TRPC5: variants seen among roughly 807,000 people sequenced by gnomAD.
TRPC5 encodes short transient receptor potential channel 5.
A neutral mutation model predicts 56.5 loss-of-function variants in TRPC5; 9 were observed. The ratio of observed to expected loss-of-function variants is 0.16; its 90% confidence interval spans 0.10 to 0.28. The LOEUF (loss-of-function observed/expected upper bound fraction) is 0.28, where lower values mean the gene tolerates loss of function less well. TRPC5 is among the 10% of genes least tolerant of loss of function. The probability of loss-of-function intolerance (pLI) is 1.00; values close to 1 mark genes in which losing one functional copy is unlikely to be tolerated. For missense variants in TRPC5, 469 were observed against 748.9 expected, an observed-to-expected ratio of 0.63 and a Z score of 4.36; for synonymous variants, 282 against 278.5, an observed-to-expected ratio of 1.01 and a Z score of -0.13.
intron 3 of TRPC5, among the ~76,000 whole-genome samples, chrX:111,864,443 T>C (rs993581184): frequency 4.4e-5 from 5 of 112,503 alleles, no homozygotes; most frequent in Non-Finnish European, 9.4e-5. Context: ...AAAGAACTAT[T>C]GGTACTGAGT....
intron 7 of TRPC5, among the ~76,000 whole-genome samples, chrX:111,788,112 AAAG>A (rs1157767413): frequency 4.5e-4 from 50 of 112,156 alleles, no homozygotes; most frequent in African/African-American, 1.6e-3. Flanking sequence ...TACAACAAAA[AAAG>A]AGAATTTCAG....
At chrX:111,910,325 T>C (rs1925775613) in intron 3 of TRPC5, among the ~76,000 whole-genome samples, 1 of 111,629 alleles carries the variant, frequency 9.0e-6, no homozygotes, top group South Asian at 3.8e-4. Context: ...AATGGAAATA[T>C]ATACATATAT....
intron 2 of TRPC5, among the ~76,000 whole-genome samples, chrX:111,945,730 C>T (rs753871990): frequency 1.8e-5 from 2 of 112,102 alleles, no homozygotes; most frequent in Admixed American, 9.5e-5. Context: ...GAGCAGACAG[C>T]TTCTTACTTC....
At chrX:111,811,697 T>C (rs1250387901) in intron 7 of TRPC5, among the ~76,000 whole-genome samples, 1 of 111,399 alleles carries the variant, frequency 9.0e-6, no homozygotes, top group Non-Finnish European at 1.9e-5. Flanking sequence ...GTCACAGTTT[T>C]CTCAACAGTA....
chrX:111,982,108 A>G (rs1408626504), intron 1 of TRPC5, among the ~76,000 whole-genome samples: 1 of 111,895 alleles, frequency 8.9e-6, no homozygotes, highest in Non-Finnish European at 1.9e-5. Flanking sequence ...CCATGATTGT[A>G]AGTTTCCTGA....
chrX:111,926,679 T>C, intron 2 of TRPC5, among the ~76,000 whole-genome samples: 1 of 112,365 alleles, frequency 8.9e-6, no homozygotes, highest in African/African-American at 3.2e-5. Context: ...TTATCTCCTT[T>C]ATGAGGTAGG....
intron 1 of TRPC5, among the ~76,000 whole-genome samples, chrX:111,983,485 CT>C (rs200667247): frequency 0.03 from 3,368 of 111,750 alleles, 127 homozygotes; most frequent in African/African-American, 0.1. Flanking sequence ...AAAATCTTCA[CT>C]TTTTTGCCCA....
chrX:112,046,461 C>T lies in TRPC5; in HGVS notation c.-22+35418G>A, dbSNP rs1181944364. Among the ~76,000 whole-genome samples, 3 of 110,985 alleles carry T rather than the reference C, an allele frequency of 2.7e-5. No homozygotes were observed. In the East Asian group the frequency reaches 8.5e-4, roughly 32 times the overall value. ...AGAGCTTGGATCAGTAGCTTAATTC[C>T]TAACTCCCTGTAGGCTGTCATGCTC... On this transcript the variant is annotated intron_variant, in intron 1 of 10. Transcript: ENST00000262839.
intron 5 of TRPC5, among the ~76,000 whole-genome samples, chrX:111,850,210 A>G (rs1225755908): frequency 9.0e-6 from 1 of 111,119 alleles, no homozygotes. Flanking sequence ...AAAGCAAAGA[A>G]TGGTTATACT....
At chrX:111,959,792 T>C (rs751122461) in intron 1 of TRPC5, among the ~76,000 whole-genome samples, 23 of 111,593 alleles carry the variant, frequency 2.1e-4, no homozygotes, top group Admixed American at 2.0e-3. Context: ...CATGCTTAGG[T>C]CACCCCTCCT....
chrX:111,817,323 A>ATTTTT (rs148024546), intron 7 of TRPC5, among the ~76,000 whole-genome samples: 1 of 82,933 alleles, frequency 1.2e-5, no homozygotes, highest in Non-Finnish European at 2.3e-5. Context: ...CTCTTATCTG[A>ATTTTT]TTTTTTTTTT....
intron 3 of TRPC5, among the ~76,000 whole-genome samples, chrX:111,891,764 G>A (rs770411097): frequency 5.4e-5 from 6 of 110,994 alleles, no homozygotes; most frequent in Non-Finnish European, 9.4e-5. Context: ...GGCCAGGCTC[G>A]TCTTGAACTC....
chrX:111,967,775 GA>G (rs1291755786), intron 1 of TRPC5, among the ~76,000 whole-genome samples: 2 of 111,340 alleles, frequency 1.8e-5, no homozygotes, highest in Non-Finnish European at 3.8e-5. Context: ...GCCATATGTA[GA>G]AAGCTGAAAC....
intron 2 of TRPC5, among the ~76,000 whole-genome samples, chrX:111,918,678 C>T (rs773487637): frequency 1.5e-3 from 171 of 111,309 alleles, no homozygotes; most frequent in African/African-American, 5.1e-3. Flanking sequence ...GGCTAAAAGT[C>T]TGGGAGGAAA....
chrX:111,954,908 C>G (rs1307045442), intron 1 of TRPC5, among the ~76,000 whole-genome samples: 1 of 111,867 alleles, frequency 8.9e-6, no homozygotes, highest in Non-Finnish European at 1.9e-5. Context: ...TAAAAATAAT[C>G]ATTAGTTTTG....
chrX:111,973,733 CTT>C (rs1018485690), intron 1 of TRPC5, among the ~76,000 whole-genome samples: 9 of 112,135 alleles, frequency 8.0e-5, no homozygotes, highest in African/African-American at 2.9e-4. Context: ...ATTATTTCAA[CTT>C]ACAATTAAAC....
At chrX:111,946,373 G>A (rs188480094) in intron 2 of TRPC5, among the ~76,000 whole-genome samples, 1 of 112,031 alleles carries the variant, frequency 8.9e-6, no homozygotes, top group African/African-American at 3.2e-5. Context: ...CCCCAGGAAG[G>A]TCATGCCTTT....
At chrX:111,872,391 G>T (rs1306340919) in intron 3 of TRPC5, among the ~76,000 whole-genome samples, 1 of 112,054 alleles carries the variant, frequency 8.9e-6, no homozygotes, top group African/African-American at 3.2e-5. Flanking sequence ...ACGTGTTGGA[G>T]AAATACATCC....
At chrX:111,839,134 C>T (rs1397357085) in intron 6 of TRPC5, among the ~76,000 whole-genome samples, 3 of 111,790 alleles carry the variant, frequency 2.7e-5, no homozygotes, top group Non-Finnish European at 5.6e-5. Context: ...TTGACAAGCT[C>T]CTGTCTCTGG....
Sources: allele counts gnomAD v4.1 joint callset (sites outside exome capture counted in the v4.1 genomes callset), GRCh38; gene constraint gnomAD v4.1.1; transcripts MANE v1.5; gene names NCBI Gene and HGNC (gene_info 2026-07-23, HGNC 2026-07-21).